Variants in GBF1 observed in about 807,000 individuals in gnomAD.
GBF1 encodes golgi brefeldin A resistant guanine nucleotide exchange factor 1.
Under a neutral mutation model 210.5 loss-of-function variants are expected in GBF1, and 114 were observed. The ratio of observed to expected loss-of-function variants is 0.54; its 90% CI spans 0.47 to 0.63. The LOEUF (loss-of-function observed/expected upper bound fraction) is 0.63, where lower values mean the gene tolerates loss of function less well. Among genes scored for constraint, GBF1 ranks in the 30% least tolerant of loss-of-function variants. The probability of loss-of-function intolerance (pLI) is 0.00; values close to 1 mark genes in which losing one functional copy is unlikely to be tolerated. For synonymous variants in GBF1, 850 were observed against 889.2 expected (o/e 0.96, Z 0.78); for missense variants, 1,851 against 2,357.7 (o/e 0.79, Z 4.45).
chr10:102,308,371 G>A (rs1386668508), intron 3 of GBF1, among the ~76,000 whole-genome samples: 1 of 152,048 alleles, frequency 6.6e-6, no homozygotes, highest in Non-Finnish European at 1.5e-5. Flanking sequence ...AGTGAAAGAA[G>A]CCAATCCATA....
chr10:102,231,934 C>T, the GBF1 span: 3 of 1,580,528 alleles, frequency 1.9e-6, no homozygotes, highest in Non-Finnish European at 2.6e-6. Flanking sequence ...GCTGTTATGT[C>T]CTGCACCCCC....
At chr10:102,299,541 G>A (rs1589542865) in intron 3 of GBF1, among the ~76,000 whole-genome samples, 2 of 152,312 alleles carry the variant, frequency 1.3e-5, no homozygotes, top group South Asian at 4.1e-4. Context: ...CCAGCACTTT[G>A]GGACGCAGAG....
At chr10:102,292,136 G>A (rs911762572) in intron 3 of GBF1, among the ~76,000 whole-genome samples, 1 of 151,888 alleles carries the variant, frequency 6.6e-6, no homozygotes, top group South Asian at 2.1e-4. Context: ...TGATCTGCCC[G>A]CCTCGGCCTC....
At chr10:102,316,316 ACCTCAGGTGAT>A (rs1432766279) in intron 3 of GBF1, among the ~76,000 whole-genome samples, 1 of 151,844 alleles carries the variant, frequency 6.6e-6, no homozygotes, top group Non-Finnish European at 1.5e-5. Context: ...TGAACTTCTG[ACCTCAGGTGAT>A]CCGCCCGCCT....
chr10:102,357,974 A>G (rs1169271037), intron 8 of GBF1, 65 bp from the exon 9 acceptor site: 1 of 1,084,698 alleles, frequency 9.2e-7, no homozygotes, highest in Non-Finnish European at 1.4e-6. Flanking sequence ...GACTAAATGA[A>G]GGGAGATTAA....
At chr10:102,317,048 A>G in intron 3 of GBF1, among the ~76,000 whole-genome samples, 1 of 152,196 alleles carries the variant, frequency 6.6e-6, no homozygotes, top group East Asian at 1.9e-4. Flanking sequence ...AGTTTTACTA[A>G]AACTTAGTAA....
At position 102,370,799 on chromosome 10, in the gene GBF1, C is replaced by T; in HGVS notation, c.3599C>T (p.Ala1200Val). ...AQDFCFLVER[A>V]VVGLLRLAIR... ...GATTTCTGCTTCCTTGTGGAGCGGG[C>T]AGTGGTGGGGTTGCTACGCCTGGCC... The change falls in exon 29 of 40, where the codon GCA becomes GTA. Residue 1200 changes from alanine to valine, a missense_variant. By Grantham distance (64) the Ala-to-Val change is moderately conservative. This residue lies in a region of GBF1 where 967 missense variants were observed against 1,247.7 expected (regional missense o/e 0.78). Coordinates refer to ENST00000369983, the MANE Select transcript of GBF1 (RefSeq NM_001377137.1). 1.9e-6 allele frequency: 3 copies of T among 1,614,016 alleles called. No individual in the cohort carries two copies. Among genetic ancestry groups the T allele is most frequent in the Non-Finnish European group, 2.5e-6 (3 of 1,179,876 alleles).
chr10:102,303,631 A>C (rs2077589846), intron 3 of GBF1, among the ~76,000 whole-genome samples: 1 of 152,312 alleles, frequency 6.6e-6, no homozygotes, highest in South Asian at 2.1e-4. Flanking sequence ...GCCTCCTGTC[A>C]TATATTCAGG....
At chr10:102,268,051 C>T (rs1332516404) in intron 3 of GBF1, among the ~76,000 whole-genome samples, 1 of 152,138 alleles carries the variant, frequency 6.6e-6, no homozygotes, top group East Asian at 1.9e-4. Flanking sequence ...TCCAAGAGGC[C>T]TATATTTTGA....
At chr10:102,359,089 T>C (rs2059447938) in intron 10 of GBF1, 178 bp from the exon 11 acceptor site, 1 of 612,186 alleles carries the variant, frequency 1.6e-6, no homozygotes, top group Non-Finnish European at 2.9e-6. Flanking sequence ...GAGATGTTTT[T>C]CTGAGTCCTT....
chr10:102,377,286 C>G (rs1049584770), intron 33 of GBF1, 146 bp downstream of exon 33: 25 of 574,906 alleles, frequency 4.3e-5, no homozygotes, highest in Admixed American at 2.1e-4. Context: ...TTCCCTTACC[C>G]AAAACCTTAC....
In GBF1 at chr10:102,382,230, C is replaced by G; in HGVS notation, c.5477C>G (p.Thr1826Ser). The G allele has an allele frequency of 6.2e-7, 1 of 1,614,090 alleles. No homozygotes were observed. The stretch of plus-strand genomic sequence containing the variant: ...CTGCAGGTGGGCGTGCCACCTATGA[C>G]TCTGCCCATCATCCTCAACCCTGCG... ...SPLQVGVPPM[T>S]LPIILNPALI... The change falls in exon 40 of 40, where the codon ACT becomes AGT. Residue 1826 changes from threonine (T) to serine (S), a missense_variant. This residue lies in a region of GBF1 where 967 missense variants were observed against 1,247.7 expected (regional missense o/e 0.78). Transcript: ENST00000369983.
rs189549989 is a variant in GBF1, at chr10:102,302,182, G to A, written c.164-41869G>A. On this transcript the variant is annotated intron_variant, in intron 3 of 39. Coordinates refer to ENST00000369983, the MANE Select transcript of GBF1 (RefSeq NM_001377137.1). Reference sequence around the variant, plus strand: ...TGGCAGGCTGAGGCAGGAGAATCAGGCAGGGAGGTTGCAGTGAGCCGAGAT... The same window carrying A: ...TGGCAGGCTGAGGCAGGAGAATCAGACAGGGAGGTTGCAGTGAGCCGAGAT... Among the ~76,000 whole-genome samples the A allele has an allele frequency of 1.1e-3, 172 of 152,318 alleles. 2 individuals carry two copies. Among genetic ancestry groups the A allele is most frequent in the Non-Finnish European group, 1.3e-3 (87 of 68,026 alleles).
intron 3 of GBF1, among the ~76,000 whole-genome samples, chr10:102,284,848 A>G (rs1388781560): frequency 1.3e-5 from 2 of 152,150 alleles, no homozygotes; most frequent in Non-Finnish European, 2.9e-5. Flanking sequence ...ACAGTTTTCT[A>G]TAGCAGCTGA....
rs397968996 is a variant in GBF1 at position 102,366,584 on chromosome 10, CTTTT to C, written c.2433+95_2433+98del. 5,663 of 632,896 alleles carry C rather than the reference CTTTT, an allele frequency of 8.9e-3. No homozygotes were observed. The highest frequency in any genetic ancestry group is 0.013 in the Middle Eastern group (26 of 1,942). 39.2% of individuals were successfully genotyped at this position (632,896 alleles called of 1,614,324 possible). A position where few individuals can be genotyped will look rare whatever the true frequency, so the allele number is the denominator to read the frequency against. ...GGGCTGAAGAATCCAGCTGCTGTCT[CTTTT>C]TTTTTTTTTTTTTTTTGAGACAGAG... On this transcript the variant is annotated intron_variant, in intron 19 of 39. Transcript: ENST00000369983. This position sits in a 1 kb window ranked among gnomAD's most constrained non-coding sequence, Gnocchi z 4.0.
At chr10:102,313,621 C>A (rs1264443223) in intron 3 of GBF1, among the ~76,000 whole-genome samples, 1 of 152,154 alleles carries the variant, frequency 6.6e-6, no homozygotes. Context: ...GCCTGAGCTC[C>A]TGTTGGAGAA....
chr10:102,275,625 A>G (rs1347266336), intron 3 of GBF1, among the ~76,000 whole-genome samples: 1 of 152,146 alleles, frequency 6.6e-6, no homozygotes, highest in East Asian at 1.9e-4. Flanking sequence ...TGAATGGCTT[A>G]TCGTGTTCTG....
rs749861952 is a variant in GBF1, at chr10:102,351,245, C to T, written c.296-11C>T. 5.7e-6 allele frequency: 8 copies of T among 1,404,024 alleles called. No individual in the cohort carries two copies. Among genetic ancestry groups the T allele is most frequent in the Admixed American group, 5.1e-5 (3 of 58,664 alleles). 87.0% of individuals were successfully genotyped at this position (1,404,024 alleles called of 1,614,324 possible). On this transcript the variant is annotated splice_polypyrimidine_tract_variant and intron_variant, in intron 4 of 39. Coordinates refer to ENST00000369983, the MANE Select transcript of GBF1 (RefSeq NM_001377137.1). ...CCACATCACTTAATCTTTCCTTTTT[C>T]GCTGGAGCAGATCCCACCCATGAGG...
intron 3 of GBF1, among the ~76,000 whole-genome samples, chr10:102,306,749 G>C (rs181150332): frequency 1.1e-4 from 17 of 152,306 alleles, no homozygotes; most frequent in African/African-American, 3.8e-4. Context: ...GATAGTTACT[G>C]ATGTGGCCAA....
Sources: gnomAD v4.1 joint callset for allele counts (sites outside exome capture counted in the v4.1 genomes callset) on GRCh38, gnomAD v4.1.1 for gene constraint, gnomAD v4.1.1 regional missense constraint, Gnocchi (gnomAD v3.1) non-coding constraint, MANE v1.5 for transcripts, NCBI Gene and HGNC (gene_info 2026-07-23, HGNC 2026-07-21) for gene names.